ARSB: variants seen among roughly 807,000 people sequenced by gnomAD.
ARSB encodes arylsulfatase B.
ARSB carries 41 observed loss-of-function variants against 50.9 expected under a neutral mutation model. The ratio of observed to expected loss-of-function variants is 0.81; its 90% CI spans 0.63 to 1.04. The LOEUF is 1.04. Among genes scored for constraint, ARSB ranks in the 50% least tolerant of loss-of-function variants. The pLI, the probability that ARSB is intolerant of heterozygous loss-of-function variation, is 0.00. For missense variants in ARSB, 672 were observed against 693.3 expected, an observed-to-expected ratio of 0.97 and a Z score of 0.35; for synonymous variants, 269 against 284.8, an observed-to-expected ratio of 0.94 and a Z score of 0.56.
intron 5 of ARSB, 34 bp from the exon 6 acceptor site, chr5:78,839,460 C>T (rs74434455): frequency 6.4e-7 from 1 of 1,564,838 alleles, no homozygotes; most frequent in Non-Finnish European, 8.8e-7. Context: ...TGTTAATTTC[C>T]TCTCTCTAAT....
At chr5:78,952,016 T>C (rs1031396133) in intron 4 of ARSB, among the ~76,000 whole-genome samples, 2 of 152,130 alleles carry the variant, frequency 1.3e-5, no homozygotes, top group African/African-American at 2.4e-5. Context: ...TAAAAATACA[T>C]AGGCACGGTC....
At chr5:78,966,692 A>G (rs1026515218) in intron 2 of ARSB, among the ~76,000 whole-genome samples, 2 of 152,214 alleles carry the variant, frequency 1.3e-5, no homozygotes, top group African/African-American at 4.8e-5. Flanking sequence ...CCTTCTGTCC[A>G]GCTGAATTTT....
intron 5 of ARSB, among the ~76,000 whole-genome samples, chr5:78,843,797 C>G (rs917584712): frequency 6.6e-6 from 1 of 152,188 alleles, no homozygotes; most frequent in African/African-American, 2.4e-5. Flanking sequence ...ATAACTGGAA[C>G]CACACAATAC....
intron 5 of ARSB, among the ~76,000 whole-genome samples, chr5:78,869,646 T>C (rs1747012175): frequency 6.6e-6 from 1 of 151,730 alleles, no homozygotes; most frequent in African/African-American, 2.4e-5. Context: ...CCAGAATCTC[T>C]GGGACGCATT....
intron 4 of ARSB, among the ~76,000 whole-genome samples, chr5:78,948,338 T>C (rs964928357): frequency 7.9e-5 from 12 of 152,308 alleles, no homozygotes; most frequent in African/African-American, 2.6e-4. Flanking sequence ...CTTGAGGGCA[T>C]AGATATCCCC....
At chr5:78,864,104 A>G (rs1424884770) in intron 5 of ARSB, among the ~76,000 whole-genome samples, 3 of 151,956 alleles carry the variant, frequency 2.0e-5, no homozygotes, top group African/African-American at 7.2e-5. Flanking sequence ...TGAGACCTGA[A>G]GAGTCAGGAC....
chr5:78,985,014 C>T lies in ARSB; in HGVS notation c.235G>A (p.Gly79Arg). ...GTGTAGTAGTTGTCCAGGAGCACCC[C>T]GCCGGCCGCCAGCGCGTCCAGGTGC... ...TPHLDALAAG[G>R]VLLDNYYTQP... The change falls in exon 1 of 8, where the codon GGG (glycine) becomes AGG (arginine). Residue 79 changes from glycine to arginine, a missense_variant. Transcript: ENST00000264914. 2 of 1,539,066 alleles carry T rather than the reference C, an allele frequency of 1.3e-6. No homozygotes were observed. The highest frequency in any genetic ancestry group is 1.4e-5 in the African/African-American group (1 of 70,214).
intron 4 of ARSB, among the ~76,000 whole-genome samples, chr5:78,892,815 A>C (rs1320880890): frequency 6.6e-6 from 1 of 152,252 alleles, no homozygotes; most frequent in Admixed American, 6.5e-5. Flanking sequence ...TTCAGGGCAG[A>C]TAAGTGCTCT....
intron 4 of ARSB, among the ~76,000 whole-genome samples, chr5:78,919,769 G>A (rs572583208): frequency 6.6e-6 from 1 of 152,244 alleles, no homozygotes; most frequent in African/African-American, 2.4e-5. Flanking sequence ...GGAGTGAGCT[G>A]GGTTTACAGG....
At chr5:78,877,537 C>T (rs1034670133) in intron 5 of ARSB, among the ~76,000 whole-genome samples, 2 of 151,994 alleles carry the variant, frequency 1.3e-5, no homozygotes, top group Non-Finnish European at 2.9e-5. Context: ...CACAGGCGCC[C>T]GCCACCATGC....
chr5:78,840,192 G>A (rs1745141864), intron 5 of ARSB, among the ~76,000 whole-genome samples: 1 of 152,184 alleles, frequency 6.6e-6, no homozygotes, highest in Non-Finnish European at 1.5e-5. Flanking sequence ...TGCTAGTGTA[G>A]ACTCAGCCTT....
chr5:78,931,448 G>A (rs776667977), intron 4 of ARSB, among the ~76,000 whole-genome samples: 25 of 151,852 alleles, frequency 1.6e-4, no homozygotes, highest in Admixed American at 3.9e-4. Flanking sequence ...TCTATTTTCC[G>A]CTCATTCATG....
intron 5 of ARSB, among the ~76,000 whole-genome samples, chr5:78,873,519 G>A (rs1403897461): frequency 5.2e-3 from 11 of 2,100 alleles, no homozygotes; most frequent in East Asian, 0.056. Context: ...TTTTTGAGAC[G>A]GAGTCTCGCT....
chr5:78,977,881 A>G (rs888733970), intron 1 of ARSB, among the ~76,000 whole-genome samples: 3 of 152,258 alleles, frequency 2.0e-5, no homozygotes, highest in Admixed American at 6.5e-5. Context: ...CAATGTACAT[A>G]TATCAGTTGC....
At chr5:78,985,337 C>CCGCCCCGGCGCGGGACGG, upstream of ARSB, 1 of 1,165,050 alleles carries the variant, frequency 8.6e-7, no homozygotes, top group Non-Finnish European at 1.1e-6. Context: ...GGGGCCTGCT[C>CCGCCCCGGCGCGGGACGG]CGCCCCGGCG....
At chr5:78,794,082 C>T (rs1743086773) in intron 6 of ARSB, among the ~76,000 whole-genome samples, 1 of 152,092 alleles carries the variant, frequency 6.6e-6, no homozygotes, top group Non-Finnish European at 1.5e-5. Flanking sequence ...TGAGCATAAA[C>T]ATTTCTTTAG....
At chr5:78,918,951 T>C (rs1484384041) in intron 4 of ARSB, among the ~76,000 whole-genome samples, 8 of 152,130 alleles carry the variant, frequency 5.3e-5, no homozygotes. Context: ...AACAGCAACA[T>C]AAAATGCTGC....
chr5:78,926,372 T>C (rs1750053687), intron 4 of ARSB, among the ~76,000 whole-genome samples: 1 of 152,154 alleles, frequency 6.6e-6, no homozygotes, highest in Non-Finnish European at 1.5e-5. Context: ...GTGGTTCCTG[T>C]CCAAGTGCCT....
chr5:78,840,096 G>A (rs1319538847), intron 5 of ARSB, among the ~76,000 whole-genome samples: 1 of 152,180 alleles, frequency 6.6e-6, no homozygotes, highest in Non-Finnish European at 1.5e-5. Flanking sequence ...TGGGTTGTGT[G>A]ACTCTCAAAG....
Sources: gnomAD v4.1 joint callset for allele counts (sites outside exome capture counted in the v4.1 genomes callset) on GRCh38, gnomAD v4.1.1 for gene constraint, MANE v1.5 for transcripts, NCBI Gene and HGNC (gene_info 2026-07-23, HGNC 2026-07-21) for gene names.